ADAMTSL1: variants seen among roughly 807,000 people sequenced by gnomAD.
ADAMTSL1 encodes ADAMTS like 1.
ADAMTSL1 carries 126 observed loss-of-function variants against 201.8 expected under a neutral mutation model. That is an observed-to-expected ratio of 0.62 (90% CI 0.54 to 0.72). The LOEUF is 0.72. ADAMTSL1 is among the 30% of genes least tolerant of loss of function. The probability of loss-of-function intolerance (pLI) is 0.00; values close to 1 mark genes in which losing one functional copy is unlikely to be tolerated. For missense variants in ADAMTSL1, 2,679 were observed against 2,277.8 expected (o/e 1.18, Z -3.59); for synonymous variants, 1,121 against 903.4 (o/e 1.24, Z -4.32).
At chr9:18,868,245 CTG>C (rs1827665818) in intron 23 of ADAMTSL1, among the ~76,000 whole-genome samples, 1 of 152,130 alleles carries the variant, frequency 6.6e-6, no homozygotes, top group Non-Finnish European at 1.5e-5. Context: ...TTTTAACACT[CTG>C]TTTTAAGATC....
chr9:18,675,361 G>T (rs1395633434), intron 9 of ADAMTSL1, among the ~76,000 whole-genome samples: 1 of 152,110 alleles, frequency 6.6e-6, no homozygotes. Context: ...GCCAAGAGAA[G>T]AAACCTAGCT....
intron 2 of ADAMTSL1, among the ~76,000 whole-genome samples, chr9:18,275,970 A>G (rs1832572143): frequency 6.6e-6 from 1 of 152,004 alleles, no homozygotes; most frequent in African/African-American, 2.4e-5. Flanking sequence ...GCCATCTTGC[A>G]TTTCCACCAG....
At chr9:18,432,164 C>T (rs1819522391) in intron 2 of ADAMTSL1, among the ~76,000 whole-genome samples, 1 of 152,088 alleles carries the variant, frequency 6.6e-6, no homozygotes, top group Admixed American at 6.6e-5. Flanking sequence ...CAGTTGTGTG[C>T]CAACCATAGA....
Position 18,497,131 on chromosome 9 carries a change from C to T in ADAMTSL1, c.64-7698C>T, listed in dbSNP as rs1184827790. 2.6e-5 allele frequency among the ~76,000 whole-genome samples: 4 copies of T among 152,148 alleles called. No individual in the cohort carries two copies. The East Asian group carries it at 7.7e-4, about 29-fold the overall frequency. ...AGAAGAAAACAAAAAACAGCAACAG[C>T]AACCAGGAACAATTGTTTCATTTTT... On this transcript the variant is annotated intron_variant, in intron 1 of 28. Transcript: ENST00000380548.
rs921019331 is a variant in ADAMTSL1, at chr9:18,000,229, A to G, written c.87+93307A>G. On this transcript the variant is annotated intron_variant, in intron 1 of 29. Coordinates refer to the ADAMTSL1 transcript ENST00000680146. Reference sequence around the variant, plus strand: ...AGTTTACAGTCCCACCAACAGTGTAAAAGTGTTCCTATTTCTCCACATCCT... The same window carrying G: ...AGTTTACAGTCCCACCAACAGTGTAGAAGTGTTCCTATTTCTCCACATCCT... Among the ~76,000 whole-genome samples the G allele has an allele frequency of 5.3e-5, 8 of 151,300 alleles. No homozygotes were observed. The East Asian group carries it at 1.6e-3, about 30-fold the overall frequency.
intron 2 of ADAMTSL1, among the ~76,000 whole-genome samples, chr9:18,426,627 C>T (rs150765441): frequency 3.9e-5 from 6 of 152,168 alleles, no homozygotes; most frequent in East Asian, 1.9e-4. Flanking sequence ...ATGAGACTTT[C>T]GGTAACCCAT....
At chr9:18,217,136 T>C (rs1468885539) in intron 2 of ADAMTSL1, among the ~76,000 whole-genome samples, 6 of 152,148 alleles carry the variant, frequency 3.9e-5, no homozygotes, top group African/African-American at 1.4e-4. Flanking sequence ...AGTTACTTTA[T>C]CTCTCTAGAG....
chr9:17,937,493 C>A (rs1278650383), intron 1 of ADAMTSL1, among the ~76,000 whole-genome samples: 1 of 151,952 alleles, frequency 6.6e-6, no homozygotes, highest in Non-Finnish European at 1.5e-5. Context: ...AAGCCCAGAT[C>A]TAATTCTATA....
intron 2 of ADAMTSL1, among the ~76,000 whole-genome samples, chr9:18,207,262 G>C (rs931905063): frequency 6.6e-6 from 1 of 152,066 alleles, no homozygotes; most frequent in Non-Finnish European, 1.5e-5. Context: ...AAGAAGAAAA[G>C]AATAAAAGAT....
chr9:18,780,030 C>G (rs1016844916), intron 19 of ADAMTSL1, among the ~76,000 whole-genome samples: 2 of 152,188 alleles, frequency 1.3e-5, no homozygotes, highest in African/African-American at 4.8e-5. Flanking sequence ...GGGAAGGGGT[C>G]ATCAGGACTC....
intron 23 of ADAMTSL1, among the ~76,000 whole-genome samples, chr9:18,876,184 C>G (rs1828136983): frequency 6.6e-6 from 1 of 152,116 alleles, no homozygotes; most frequent in Non-Finnish European, 1.5e-5. Context: ...TTGGTGAACT[C>G]TTACTCATTC....
At chr9:18,516,593 A>G (rs1032068530) in intron 2 of ADAMTSL1, among the ~76,000 whole-genome samples, 5 of 152,110 alleles carry the variant, frequency 3.3e-5, no homozygotes, top group African/African-American at 1.2e-4. Flanking sequence ...CTTCTATTTT[A>G]TTTTTCATAA....
At chr9:18,291,041 A>G (rs962516421) in intron 2 of ADAMTSL1, among the ~76,000 whole-genome samples, 3 of 152,100 alleles carry the variant, frequency 2.0e-5, no homozygotes, top group Non-Finnish European at 4.4e-5. Context: ...TCAGCCTCCC[A>G]AAGTGCTGGG....
intron 2 of ADAMTSL1, among the ~76,000 whole-genome samples, chr9:18,522,271 A>G (rs926683673): frequency 3.3e-5 from 5 of 152,148 alleles, no homozygotes; most frequent in African/African-American, 1.2e-4. Flanking sequence ...ACAAACCTGC[A>G]CTTGTACCCG....
intron 2 of ADAMTSL1, among the ~76,000 whole-genome samples, chr9:18,372,237 G>A (rs1262929933): frequency 2.0e-5 from 3 of 152,114 alleles, no homozygotes; most frequent in East Asian, 1.9e-4. Flanking sequence ...CAGCTCTCAG[G>A]TCTAGGTAGT....
At chr9:18,169,969 C>T (rs966371150) in intron 2 of ADAMTSL1, among the ~76,000 whole-genome samples, 2 of 151,908 alleles carry the variant, frequency 1.3e-5, no homozygotes, top group Admixed American at 6.6e-5. Flanking sequence ...CTACCTTGGG[C>T]AAATACAGGG....
At chr9:18,906,228 G>C (rs1830304488) in intron 27 of ADAMTSL1, among the ~76,000 whole-genome samples, 1 of 152,210 alleles carries the variant, frequency 6.6e-6, no homozygotes, top group Non-Finnish European at 1.5e-5. Context: ...AAGTCTCAAA[G>C]GCTCAAGCCC....
intron 1 of ADAMTSL1, among the ~76,000 whole-genome samples, chr9:18,089,847 A>G (rs75054275): frequency 0.026 from 3,927 of 152,274 alleles, 179 homozygotes; most frequent in African/African-American, 0.089. Flanking sequence ...GATCCTGCCT[A>G]TAGTTAACGA....
intron 2 of ADAMTSL1, among the ~76,000 whole-genome samples, chr9:18,280,237 C>T (rs1832733161): frequency 6.6e-6 from 1 of 152,038 alleles, no homozygotes; most frequent in Admixed American, 6.5e-5. Context: ...ATGCTGGGTC[C>T]ATGGGTGCTG....
Sources: gnomAD v4.1 joint callset for allele counts (sites outside exome capture counted in the v4.1 genomes callset) on GRCh38, gnomAD v4.1.1 for gene constraint, MANE v1.5 for transcripts, NCBI Gene and HGNC (gene_info 2026-07-23, HGNC 2026-07-21) for gene names.